The following PRDM16 variants were observed in gnomAD, a reference collection of about 807,000 sequenced individuals.
PRDM16 encodes histone-lysine N-methyltransferase PRDM16.
PRDM16 carries 23 observed loss-of-function variants against 110.6 expected under a neutral mutation model. That is an observed-to-expected ratio of 0.21 (90% CI 0.15 to 0.29). The LOEUF is 0.29. Ranked by LOEUF, PRDM16 falls within the 10% of genes least tolerant of loss-of-function variation. PRDM16 has a pLI of 1.00. For missense variants in PRDM16, 1,615 were observed against 1,794.3 expected (o/e 0.90, Z 1.81); for synonymous variants, 799 against 781.8 (o/e 1.02, Z -0.37).
intron 10 of PRDM16, among the ~76,000 whole-genome samples, chr1:3,416,023 GGAT>G (rs1182920178): frequency 6.6e-6 from 1 of 152,188 alleles, no homozygotes; most frequent in East Asian, 1.9e-4. Flanking sequence ...GTTCTCATCA[GGAT>G]GAGAGCATGC....
At chr1:3,321,885 T>C (rs2100457878) in intron 3 of PRDM16, among the ~76,000 whole-genome samples, 1 of 151,974 alleles carries the variant, frequency 6.6e-6, no homozygotes, top group East Asian at 1.9e-4. Context: ...TGGGTGCATA[T>C]ATGTGTTTGT....
chr1:3,287,368 G>A (rs1249230782), intron 3 of PRDM16, among the ~76,000 whole-genome samples: 1 of 83,580 alleles, frequency 1.2e-5, no homozygotes, highest in Non-Finnish European at 2.6e-5. Context: ...GAGCCGCCCC[G>A]CCACGCGGGC....
Position 3,342,076 on chromosome 1 carries a change from G to T in PRDM16, c.439-43076G>T, listed in dbSNP as rs139970698. Among the ~76,000 whole-genome samples the T allele has an allele frequency of 3.8e-3, 580 of 152,308 alleles. 2 individuals carry two copies. Among genetic ancestry groups the T allele is most frequent in the Non-Finnish European group, 4.2e-3 (285 of 68,026 alleles). On this transcript the variant is annotated intron_variant, in intron 3 of 16. Coordinates refer to ENST00000270722, the MANE Select transcript of PRDM16 (RefSeq NM_022114.4). ...TCCCAGCCCAGCCGTGCTCAGCCTG[G>T]ATGAGGCAGCTAGGGAAACCCAGGG...
chr1:3,092,588 G>A (rs1350155885), intron 1 of PRDM16, among the ~76,000 whole-genome samples: 1 of 152,228 alleles, frequency 6.6e-6, no homozygotes, highest in Non-Finnish European at 1.5e-5. Context: ...AAATGAGTGG[G>A]AGGCACACAC....
chr1:3,111,747 T>A (rs1223486637), intron 1 of PRDM16, among the ~76,000 whole-genome samples: 1 of 152,106 alleles, frequency 6.6e-6, no homozygotes, highest in Non-Finnish European at 1.5e-5. Flanking sequence ...GCCTAATCTT[T>A]TTTTCTTCGC....
intron 2 of PRDM16, among the ~76,000 whole-genome samples, chr1:3,238,433 G>T (rs1187639783): frequency 6.6e-6 from 1 of 152,168 alleles, no homozygotes; most frequent in Non-Finnish European, 1.5e-5. Flanking sequence ...AACTGTTTAG[G>T]CATAAAAGCT....
intron 1 of PRDM16, among the ~76,000 whole-genome samples, chr1:3,082,527 A>G (rs999157081): frequency 6.6e-6 from 1 of 152,160 alleles, no homozygotes; most frequent in African/African-American, 2.4e-5. Context: ...GGTTCCGGGG[A>G]AACCTCCCTC....
In PRDM16 at chr1:3,165,434, GACTCACCTGGGCTCAGGGACAGT is replaced by G. The variant is rs1557495674; in HGVS notation, c.38-20690_38-20668del. On this transcript the variant is annotated intron_variant, in intron 1 of 16. Transcript: ENST00000270722. ...TGACTCACCTGGGCTCAGGGACAGT[GACTCACCTGGGCTCAGGGACAGT>G]GACTCACCTGGGCTCAGGGACAGTG... Among the ~76,000 whole-genome samples the G allele has an allele frequency of 2.1e-4, 26 of 124,784 alleles. 6 individuals are homozygous for G. The highest frequency in any genetic ancestry group is 3.3e-4 in the South Asian group (1 of 3,074). The allele number at this position is 124,784 out of a possible 152,430, so 81.9% of individuals were successfully genotyped here.
intron 1 of PRDM16, among the ~76,000 whole-genome samples, chr1:3,164,656 G>T (rs1214027666): frequency 6.6e-6 from 1 of 152,210 alleles, no homozygotes; most frequent in African/African-American, 2.4e-5. Flanking sequence ...AAACGCGGAC[G>T]GCAGGCGAGG....
At chr1:3,189,100 T>C (rs556641223) in intron 2 of PRDM16, among the ~76,000 whole-genome samples, 2 of 152,328 alleles carry the variant, frequency 1.3e-5, no homozygotes, top group South Asian at 4.1e-4. Context: ...GACTTCTTCC[T>C]CTTGCCGACT....
intron 4 of PRDM16, among the ~76,000 whole-genome samples, chr1:3,391,986 G>A (rs867650100): frequency 2.6e-5 from 4 of 152,194 alleles, no homozygotes; most frequent in Non-Finnish European, 4.4e-5. Context: ...TCATCACAGC[G>A]CTTTCCCACA....
rs1283806734 is a variant in PRDM16, at chr1:3,359,945, CCCGGCTCAGAACAGGTCCCTTCAG to C, written c.439-25197_439-25174del. ...GCAGCCAGCTCCTCACAGAAGGCCG[CCCGGCTCAGAACAGGTCCCTTCAG>C]CCGGCTCAGCAGCCAGTGAGAAGCA... On this transcript the variant is annotated intron_variant, in intron 3 of 16. Transcript: ENST00000270722. The surrounding 1 kb of genome is among the most constrained non-coding windows in gnomAD (Gnocchi z 4.3). Among the ~76,000 whole-genome samples, 2 of 152,242 alleles carry C rather than the reference CCCGGCTCAGAACAGGTCCCTTCAG, an allele frequency of 1.3e-5. No homozygotes were observed. Among genetic ancestry groups the C allele is most frequent in the Admixed American group, 1.3e-4 (2 of 15,290 alleles).
chr1:3,394,104 C>T (rs1301450416), intron 4 of PRDM16, among the ~76,000 whole-genome samples: 1 of 151,954 alleles, frequency 6.6e-6, no homozygotes. Context: ...ACACCGGGGG[C>T]CCTCGGATTG....
chr1:3,083,560 A>G (rs760569), intron 1 of PRDM16, among the ~76,000 whole-genome samples: 84,414 of 149,796 alleles, frequency 0.56, 24,132 homozygotes, highest in East Asian at 0.66. Context: ...CTGCGGAGGG[A>G]TGCCCTGCAG....
intron 1 of PRDM16, among the ~76,000 whole-genome samples, chr1:3,146,580 G>C (rs1377096539): frequency 6.7e-6 from 1 of 148,224 alleles, no homozygotes; most frequent in Non-Finnish European, 1.5e-5. Flanking sequence ...TGCTCGGTGT[G>C]GGGCATATGT....
chr1:3,377,302 C>T (rs1187591477), intron 3 of PRDM16, among the ~76,000 whole-genome samples: 1 of 152,186 alleles, frequency 6.6e-6, no homozygotes, highest in Non-Finnish European at 1.5e-5. Flanking sequence ...TCCTCTCCTC[C>T]CTGCATGCTC....
At position 3,355,555 on chromosome 1, in the gene PRDM16, G is replaced by A. The variant is rs980585465; in HGVS notation, c.439-29597G>A. On this transcript the variant is annotated intron_variant, in intron 3 of 16. Transcript: ENST00000270722. Reference sequence around the variant, plus strand: ...GAGGGAGTTTTGCAGGGACCCTGACGCTACAGCCAGGCGTGCCCAAGAACA... The same window carrying A: ...GAGGGAGTTTTGCAGGGACCCTGACACTACAGCCAGGCGTGCCCAAGAACA... Among the ~76,000 whole-genome samples the A allele has an allele frequency of 2.0e-5, 3 of 152,260 alleles. No individual in the cohort carries two copies. The East Asian group carries it at 5.8e-4, about 29-fold the overall frequency.
chr1:3,285,080 T>A (rs1481587779), intron 3 of PRDM16, among the ~76,000 whole-genome samples: 1 of 152,176 alleles, frequency 6.6e-6, no homozygotes, highest in East Asian at 1.9e-4. Flanking sequence ...AGGCTGGCAC[T>A]CTCTGGCCCC....
At chr1:3,108,607 G>A (rs988268962) in intron 1 of PRDM16, among the ~76,000 whole-genome samples, 7 of 152,200 alleles carry the variant, frequency 4.6e-5, no homozygotes, top group Admixed American at 4.6e-4. Flanking sequence ...CACCCTGCCA[G>A]GTGCTGTCCT....
Sources: allele counts gnomAD v4.1 joint callset (sites outside exome capture counted in the v4.1 genomes callset), GRCh38; gene constraint gnomAD v4.1.1; non-coding constraint Gnocchi (gnomAD v3.1); transcripts MANE v1.5; gene names NCBI Gene and HGNC (gene_info 2026-07-23, HGNC 2026-07-21).